Variants in TMEM248 observed in about 807,000 individuals in gnomAD.
TMEM248 encodes the protein transmembrane protein 248, also known as UPF0458 protein C7orf42.
A neutral mutation model predicts 30.3 loss-of-function variants in TMEM248; 9 were observed. The observed-to-expected ratio is 0.30, with a 90% CI of 0.18 to 0.52. TMEM248 has a LOEUF of 0.52. Ranked by LOEUF, TMEM248 falls within the 20% of genes least tolerant of loss-of-function variation. The pLI, the probability that TMEM248 is intolerant of heterozygous loss-of-function variation, is 0.97. For synonymous variants in TMEM248, 184 were observed against 154.4 expected, an observed-to-expected ratio of 1.19 and a Z score of -1.42; for missense variants, 338 against 403.3, an observed-to-expected ratio of 0.84 and a Z score of 1.39.
chr7:66,944,304 C>T (rs1211540379), intron 2 of TMEM248, among the ~76,000 whole-genome samples: 3 of 151,732 alleles, frequency 2.0e-5, no homozygotes, highest in Non-Finnish European at 4.4e-5. Flanking sequence ...GTGGTTTCAC[C>T]ATGTTGCTCA....
chr7:66,940,384 A>G (rs1032417382), intron 1 of TMEM248, among the ~76,000 whole-genome samples: 2 of 152,226 alleles, frequency 1.3e-5, no homozygotes, highest in African/African-American at 4.8e-5. Flanking sequence ...TAAACTTAAT[A>G]AAAGAAGTGC....
intron 1 of TMEM248, among the ~76,000 whole-genome samples, chr7:66,939,000 A>G (rs1397560754): frequency 2.0e-5 from 3 of 152,260 alleles, no homozygotes; most frequent in Non-Finnish European, 4.4e-5. Context: ...AGTTCAGTTA[A>G]GATTGGGCCT....
intron 1 of TMEM248, among the ~76,000 whole-genome samples, chr7:66,928,366 CTG>C (rs1451301833): frequency 6.7e-6 from 1 of 148,726 alleles, no homozygotes; most frequent in Non-Finnish European, 1.5e-5. Context: ...TGACTTGAAA[CTG>C]TCTTATCAAC....
chr7:66,954,453 G>A (rs1013473282), intron 6 of TMEM248, among the ~76,000 whole-genome samples: 2 of 145,808 alleles, frequency 1.4e-5, no homozygotes, highest in Non-Finnish European at 3.0e-5. Flanking sequence ...TGGTGCGATC[G>A]TAGCTCATGA....
chr7:66,944,675 A>G (rs2129224421), intron 2 of TMEM248, among the ~76,000 whole-genome samples: 1 of 152,314 alleles, frequency 6.6e-6, no homozygotes, highest in African/African-American at 2.4e-5. Context: ...CTCTAAGTGT[A>G]ATATGCTGGA....
intron 1 of TMEM248, among the ~76,000 whole-genome samples, chr7:66,922,884 T>G (rs1159868017): frequency 6.6e-6 from 1 of 151,998 alleles, no homozygotes; most frequent in Non-Finnish European, 1.5e-5. Flanking sequence ...TTTTGTATTT[T>G]TAGTAGAGAC....
At position 66,929,426 on chromosome 7, in the gene TMEM248, A is replaced by ATTTTTTTTTTTTT. The variant is rs35126436; in HGVS notation, c.-19+7981_-19+7993dup. On this transcript the variant is annotated intron_variant, in intron 1 of 6. Coordinates refer to ENST00000341567, the MANE Select transcript of TMEM248 (RefSeq NM_017994.5). ...ACAATATCATGGAAATGAGAGACAA[A>ATTTTTTTTTTTTT]TTTTTTTTTTTTTTTTTTTTTTTTT... Among the ~76,000 whole-genome samples, 43 of 97,672 alleles carry ATTTTTTTTTTTTT rather than the reference A, an allele frequency of 4.4e-4. 1 individual carries two copies. Among genetic ancestry groups the ATTTTTTTTTTTTT allele is most frequent in the East Asian group, 1.1e-3 (3 of 2,712 alleles). 64.1% of individuals were successfully genotyped at this position (97,672 alleles called of 152,430 possible).
At chr7:66,930,849 C>T (rs188550253) in intron 1 of TMEM248, 49 of 152,708 alleles carry the variant, frequency 3.2e-4, no homozygotes, top group African/African-American at 1.1e-3. Flanking sequence ...TTGAGAAATG[C>T]TACTTTCTGC....
chr7:66,935,357 A>G (rs1791774327), intron 1 of TMEM248, among the ~76,000 whole-genome samples: 1 of 151,604 alleles, frequency 6.6e-6, no homozygotes, highest in Admixed American at 6.6e-5. Flanking sequence ...TAACGTTTGT[A>G]TTTTTAGTAG....
chr7:66,955,646 G>A lies in TMEM248; in HGVS notation c.*124G>A. On this transcript the variant is annotated 3_prime_UTR_variant, in exon 7 of 7. Transcript: ENST00000341567. Reference sequence around the variant, plus strand: ...GCGATGTTGGGTTATTCCAGCCAAAGACATTTCAAGTGCCTGTAACTGATT... The same window carrying A: ...GCGATGTTGGGTTATTCCAGCCAAAAACATTTCAAGTGCCTGTAACTGATT... The A allele has an allele frequency of 8.5e-7, 1 of 1,181,406 alleles. No individual in the cohort carries two copies. Among genetic ancestry groups the A allele is most frequent in the Non-Finnish European group, 1.2e-6 (1 of 819,650 alleles). The allele number at this position is 1,181,406 out of a possible 1,614,324, so 73.2% of individuals were successfully genotyped here.
Position 66,952,367 on chromosome 7 carries a change from C to T in TMEM248, c.781-859C>T, listed in dbSNP as rs571104778. 2.0e-5 allele frequency among the ~76,000 whole-genome samples: 3 copies of T among 152,352 alleles called. No homozygotes were observed. The South Asian group carries it at 6.2e-4, about 32-fold the overall frequency. On this transcript the variant is annotated intron_variant, in intron 5 of 6. Transcript: ENST00000341567. ...GGGATTATAGGCATGAGCCACTATGCCCGACCTTTGCCCTTTTCTGGGGCT... is the reference window on the plus strand; with the variant it reads ...GGGATTATAGGCATGAGCCACTATGTCCGACCTTTGCCCTTTTCTGGGGCT...
chr7:66,951,624 AC>A (rs986626198), intron 5 of TMEM248, among the ~76,000 whole-genome samples: 12 of 150,896 alleles, frequency 8.0e-5, no homozygotes, highest in African/African-American at 2.9e-4. Flanking sequence ...CAAAATACTT[AC>A]CTATCTCATC....
chr7:66,952,331 C>T (rs1271500105), intron 5 of TMEM248, among the ~76,000 whole-genome samples: 1 of 152,186 alleles, frequency 6.6e-6, no homozygotes, highest in African/African-American at 2.4e-5. Flanking sequence ...ACCTCAGCCT[C>T]CCAAAGTGCT....
intron 1 of TMEM248, among the ~76,000 whole-genome samples, chr7:66,930,241 G>A (rs1005951368): frequency 6.6e-6 from 1 of 152,222 alleles, no homozygotes; most frequent in African/African-American, 2.4e-5. Context: ...CTTGGGATAA[G>A]TTTTGGCCTT....
chr7:66,955,544 G>C lies in TMEM248; in HGVS notation c.*22G>C. On this transcript the variant is annotated 3_prime_UTR_variant, in exon 7 of 7. Transcript: ENST00000341567. Reference sequence around the variant, plus strand: ...CTAATTCCACAGCTCCTTGTTTTTTGAGAGAGACTGAGAGAACCATAATCC... The same window carrying C: ...CTAATTCCACAGCTCCTTGTTTTTTCAGAGAGACTGAGAGAACCATAATCC... 1 of 1,613,828 alleles carries C rather than the reference G, an allele frequency of 6.2e-7. No homozygotes were observed.
At chr7:66,926,448 T>C (rs1791526192) in intron 1 of TMEM248, among the ~76,000 whole-genome samples, 1 of 152,080 alleles carries the variant, frequency 6.6e-6, no homozygotes, top group African/African-American at 2.4e-5. Context: ...GGTGAAACCC[T>C]GTCTCTACTA....
rs1449097308 is a variant in TMEM248 at position 66,956,829 on chromosome 7, G to A, written c.*1307G>A. ...GCTGGGACTACAGGCGTGTGCCAGC[G>A]CGCCTGGCTAATTTTAAAATTTTTT... On this transcript the variant is annotated 3_prime_UTR_variant, in exon 7 of 7. Coordinates refer to ENST00000341567, the MANE Select transcript of TMEM248 (RefSeq NM_017994.5). 9 of 151,982 alleles carry A rather than the reference G, an allele frequency of 5.9e-5. No homozygotes were observed. Among genetic ancestry groups the A allele is most frequent in the Admixed American group, 2.6e-4 (4 of 15,240 alleles). 9.4% of individuals were successfully genotyped at this position (151,982 alleles called of 1,614,324 possible). A position where few individuals can be genotyped will look rare whatever the true frequency, so the allele number is the denominator to read the frequency against.
intron 1 of TMEM248, among the ~76,000 whole-genome samples, chr7:66,926,650 AAAAAG>A (rs1791532910): frequency 6.6e-6 from 1 of 152,138 alleles, no homozygotes; most frequent in South Asian, 2.1e-4. Flanking sequence ...AAAAAAAAAA[AAAAAG>A]AAAAGAAAGA....
rs1792402162 is a variant in TMEM248, at chr7:66,956,328, G to A, written c.*806G>A. On this transcript the variant is annotated 3_prime_UTR_variant, in exon 7 of 7. Transcript: ENST00000341567. ...TCGTCCACTCTTGTCCCTCCCTTCT[G>A]TTATCAAAGTTAAAGCGCCTCTTCA... The A allele has an allele frequency of 6.6e-6, 1 of 152,126 alleles. No individual in the cohort carries two copies. The highest frequency in any genetic ancestry group is 1.5e-5 in the Non-Finnish European group (1 of 68,026). 9.4% of individuals were successfully genotyped at this position (152,126 alleles called of 1,614,324 possible). A position where few individuals can be genotyped will look rare whatever the true frequency, so the allele number is the denominator to read the frequency against.
Sources: allele counts gnomAD v4.1 joint callset (sites outside exome capture counted in the v4.1 genomes callset), GRCh38; gene constraint gnomAD v4.1.1; transcripts MANE v1.5; gene names NCBI Gene and HGNC (gene_info 2026-07-23, HGNC 2026-07-21).